The following ZBTB16 variants were observed in gnomAD, a reference collection of about 807,000 sequenced individuals.
ZBTB16 encodes the protein zinc finger and BTB domain-containing protein 16.
ZBTB16 carries 8 observed loss-of-function variants against 56.8 expected under a neutral mutation model. The observed-to-expected ratio is 0.14, with a 90% CI of 0.08 to 0.25. The LOEUF is 0.25. Ranked by LOEUF, ZBTB16 falls within the 10% of genes least tolerant of loss-of-function variation. ZBTB16 has a pLI of 1.00. For synonymous variants in ZBTB16, 363 were observed against 368.5 expected (o/e 0.98, Z 0.17); for missense variants, 625 against 903.0 (o/e 0.69, Z 3.95).
In ZBTB16 at chr11:114,247,381, G is replaced by GA. The variant is rs751598531; in HGVS notation, c.1792+17dup. On this transcript the variant is annotated intron_variant, in intron 6 of 6. Coordinates refer to ENST00000335953, the MANE Select transcript of ZBTB16 (RefSeq NM_006006.6). ...GTGCACACAGGTACCGAAGGCCAGG[G>GA]AGGGGCCTGAGCTGGCTCTGGGACC... 6.2e-7 allele frequency: 1 copy of GA among 1,614,118 alleles called. No homozygotes were observed. The highest frequency in any genetic ancestry group is 8.5e-7 in the Non-Finnish European group (1 of 1,179,962).
rs148573880 is a variant in ZBTB16, at chr11:114,176,395, T to G, written c.1367-10557T>G. Among the ~76,000 whole-genome samples, 537 of 152,276 alleles carry G rather than the reference T, an allele frequency of 3.5e-3. 1 individual carries two copies. Among genetic ancestry groups the G allele is most frequent in the African/African-American group, 0.012 (498 of 41,562 alleles). On this transcript the variant is annotated intron_variant, in intron 3 of 6. Transcript: ENST00000335953. ...TAAACAAAACAAAGTTATGAACACTTGAAAGCCCAGGTATTCCCTGGAACT... is the reference window on the plus strand; with the variant it reads ...TAAACAAAACAAAGTTATGAACACTGGAAAGCCCAGGTATTCCCTGGAACT...
At chr11:114,207,509 C>A (rs1943907861) in intron 4 of ZBTB16, among the ~76,000 whole-genome samples, 1 of 152,038 alleles carries the variant, frequency 6.6e-6, no homozygotes, top group Non-Finnish European at 1.5e-5. Flanking sequence ...TTCCCAGACT[C>A]TCCTGGCTGT....
intron 4 of ZBTB16, among the ~76,000 whole-genome samples, chr11:114,222,022 G>C (rs536046044): frequency 6.6e-6 from 1 of 152,156 alleles, no homozygotes; most frequent in East Asian, 1.9e-4. Context: ...GCTGTCGCCT[G>C]CAGAGAATAC....
chr11:114,144,540 A>G (rs989530167), intron 2 of ZBTB16, among the ~76,000 whole-genome samples: 1 of 152,150 alleles, frequency 6.6e-6, no homozygotes, highest in African/African-American at 2.4e-5. Flanking sequence ...GGGGGTAGAA[A>G]AAGAAGTTTG....
At position 114,250,630 on chromosome 11, in the gene ZBTB16, G is replaced by T; in HGVS notation, c.*75G>T. 7.0e-7 allele frequency: 1 copy of T among 1,428,386 alleles called. No individual in the cohort carries two copies. Among genetic ancestry groups the T allele is most frequent in the Non-Finnish European group, 9.7e-7 (1 of 1,034,418 alleles). 88.5% of individuals were successfully genotyped at this position (1,428,386 alleles called of 1,614,324 possible). A position where few individuals can be genotyped will look rare whatever the true frequency, so the allele number is the denominator to read the frequency against. On this transcript the variant is annotated 3_prime_UTR_variant, in exon 7 of 7. Coordinates refer to ENST00000335953, the MANE Select transcript of ZBTB16 (RefSeq NM_006006.6). This position sits in a 1 kb window ranked among gnomAD's most constrained non-coding sequence, Gnocchi z 6.0. ...TGGAGTGAGATGAAGGAAGGACTAT[G>T]ACAAATAAAAAAGGAAAAGAAAAAA...
At chr11:114,160,076 C>T (rs1243656664) in intron 3 of ZBTB16, among the ~76,000 whole-genome samples, 2 of 152,104 alleles carry the variant, frequency 1.3e-5, no homozygotes, top group Admixed American at 6.5e-5. Context: ...TTCTGCTCAG[C>T]AGAGCCGAAC....
At chr11:114,124,850 C>T (rs997849198) in intron 2 of ZBTB16, among the ~76,000 whole-genome samples, 2 of 152,146 alleles carry the variant, frequency 1.3e-5, no homozygotes, top group Non-Finnish European at 1.5e-5. Flanking sequence ...GAGTGCAGCA[C>T]GAGGGTGCTG....
chr11:114,114,859 T>G (rs1941124060), intron 2 of ZBTB16, among the ~76,000 whole-genome samples: 1 of 151,896 alleles, frequency 6.6e-6, no homozygotes, highest in African/African-American at 2.4e-5. Context: ...TTTTGTATAT[T>G]TTTTGTAGAG....
chr11:114,249,156 C>G (rs1476778877), intron 6 of ZBTB16, among the ~76,000 whole-genome samples: 1 of 143,402 alleles, frequency 7.0e-6, no homozygotes, highest in Non-Finnish European at 1.5e-5. Context: ...AGGGCAAGGT[C>G]TTAGCGGTTT....
At chr11:114,235,679 TTTC>T (rs1213673547) in intron 4 of ZBTB16, among the ~76,000 whole-genome samples, 9 of 20,982 alleles carry the variant, frequency 4.3e-4, no homozygotes, top group African/African-American at 1.6e-3. Flanking sequence ...TCTTTCTTTC[TTTC>T]TTTCTTTCTT....
intron 3 of ZBTB16, 25 bp downstream of exon 3, chr11:114,156,459 C>T (rs372815069): frequency 2.0e-5 from 32 of 1,607,226 alleles, no homozygotes; most frequent in Admixed American, 5.0e-5. Flanking sequence ...CTTAGTGGCC[C>T]GTTCAGATAC....
intron 4 of ZBTB16, chr11:114,187,330 C>T: frequency 4.2e-6 from 2 of 480,758 alleles, no homozygotes; most frequent in Non-Finnish European, 7.6e-6. Context: ...ATCTAGTATG[C>T]TCTTGTTGAG....
intron 2 of ZBTB16, among the ~76,000 whole-genome samples, chr11:114,093,035 T>C (rs1940248008): frequency 6.6e-6 from 1 of 152,146 alleles, no homozygotes. Context: ...TTAAAGAAGA[T>C]TAAAAAACCA....
intron 4 of ZBTB16, 34 bp from the exon 5 acceptor site, chr11:114,242,133 C>T (rs779154571): frequency 3.7e-6 from 6 of 1,612,912 alleles, no homozygotes; most frequent in Non-Finnish European, 5.1e-6. Context: ...GTATTCCCAC[C>T]TTTCTGAGGC....
intron 4 of ZBTB16, among the ~76,000 whole-genome samples, chr11:114,191,668 G>A (rs486898): frequency 0.58 from 88,394 of 151,706 alleles, 26,192 homozygotes; most frequent in African/African-American, 0.67. Flanking sequence ...TCATGGGCAG[G>A]GCTCTTTTGG....
intron 4 of ZBTB16, among the ~76,000 whole-genome samples, chr11:114,207,476 G>A (rs549543502): frequency 1.3e-5 from 2 of 152,056 alleles, no homozygotes; most frequent in South Asian, 2.1e-4. Context: ...CCTATGATGC[G>A]TGTACACTGA....
intron 2 of ZBTB16, among the ~76,000 whole-genome samples, chr11:114,082,962 G>A (rs973486218): frequency 7.2e-5 from 11 of 152,342 alleles, no homozygotes; most frequent in African/African-American, 2.6e-4. Context: ...TCTGCAAACC[G>A]ACAGTGGCAT....
intron 2 of ZBTB16, among the ~76,000 whole-genome samples, chr11:114,136,513 G>A (rs754057320): frequency 2.0e-5 from 3 of 152,176 alleles, no homozygotes; most frequent in Non-Finnish European, 4.4e-5. Context: ...CTTACAGAGA[G>A]TTTGTGAGAG....
chr11:114,139,031 G>T (rs148648315), intron 2 of ZBTB16, among the ~76,000 whole-genome samples: 7 of 152,000 alleles, frequency 4.6e-5, no homozygotes, highest in African/African-American at 1.7e-4. Flanking sequence ...CATTTCCTGC[G>T]TCTCACCTGC....
Sources: allele counts gnomAD v4.1 joint callset (sites outside exome capture counted in the v4.1 genomes callset), GRCh38; gene constraint gnomAD v4.1.1; non-coding constraint Gnocchi (gnomAD v3.1); transcripts MANE v1.5; gene names NCBI Gene and HGNC (gene_info 2026-07-23, HGNC 2026-07-21).